Variants in RNASET2 observed in about 807,000 individuals in gnomAD.
The protein encoded by RNASET2 is ribonuclease T2, also known as ribonuclease 6.
Under a neutral mutation model 33.9 loss-of-function variants are expected in RNASET2, and 28 were observed. The ratio of observed to expected loss-of-function variants is 0.83; its 90% CI spans 0.61 to 1.13. RNASET2 has a LOEUF of 1.13. Ranked by LOEUF, RNASET2 falls within the 50% of genes most tolerant of loss-of-function variation. RNASET2 has a pLI of 0.00. For missense variants in RNASET2, 330 were observed against 319.9 expected (o/e 1.03, Z -0.24); for synonymous variants, 123 against 121.0 (o/e 1.02, Z -0.11).
intron 3 of RNASET2, among the ~76,000 whole-genome samples, chr6:166,947,275 C>A (rs2128646463): frequency 6.6e-6 from 1 of 152,324 alleles, no homozygotes; most frequent in Middle Eastern, 3.4e-3. Flanking sequence ...TTTTCAGTAG[C>A]AAACGCACTT....
chr6:166,927,628 T>C lies in RNASET2; in HGVS notation c.*1960A>G, dbSNP rs542817716. 2.4e-3 allele frequency among the ~76,000 whole-genome samples: 337 copies of C among 141,844 alleles called. 1 individual carries two copies. The highest frequency in any genetic ancestry group is 8.6e-3 in the African/African-American group (322 of 37,424). 93.1% of individuals were successfully genotyped at this position (141,844 alleles called of 152,430 possible). On this transcript the variant is annotated 3_prime_UTR_variant, in exon 9 of 9. Transcript: ENST00000508775. Reference sequence around the variant, plus strand: ...GGCTATAAAATAAATGCAATTTGAATAGGAAGTCTGTTCAAATTCACCAGC... The same window carrying C: ...GGCTATAAAATAAATGCAATTTGAACAGGAAGTCTGTTCAAATTCACCAGC...
chr6:166,929,423 T>G lies in RNASET2; in HGVS notation c.*165A>C. ...GCGTGGGAGAGCTCCTTTCTCCCCG[T>G]GTACGCCACATGCACTCACTCTACA... On this transcript the variant is annotated 3_prime_UTR_variant, in exon 9 of 9. Transcript: ENST00000508775. The G allele has an allele frequency of 1.3e-6, 1 of 747,832 alleles. No homozygotes were observed. Among genetic ancestry groups the G allele is most frequent in the East Asian group, 2.5e-5 (1 of 40,720 alleles). 46.3% of individuals were successfully genotyped at this position (747,832 alleles called of 1,614,324 possible). A position where few individuals can be genotyped will look rare whatever the true frequency, so the allele number is the denominator to read the frequency against.
intron 1 of RNASET2, among the ~76,000 whole-genome samples, chr6:166,955,325 A>C (rs201789956): frequency 1.5e-5 from 1 of 68,650 alleles, no homozygotes; most frequent in African/African-American, 8.0e-5. Context: ...ACGCACACAC[A>C]CGCACGCACG....
At chr6:166,942,482 ATCTT>A (rs1189727007) in intron 5 of RNASET2, among the ~76,000 whole-genome samples, 1 of 152,154 alleles carries the variant, frequency 6.6e-6, no homozygotes, top group Non-Finnish European at 1.5e-5. Context: ...GAAAATTTGT[ATCTT>A]TATTTTGTTT....
Position 166,931,070 on chromosome 6 carries a change from T to C in RNASET2, c.541A>G (p.Lys181Glu). 1 of 1,612,636 alleles carries C rather than the reference T, an allele frequency of 6.2e-7. No individual in the cohort carries two copies. The highest frequency in any genetic ancestry group is 8.5e-7 in the Non-Finnish European group (1 of 1,178,616). Residue 181 changes from lysine (K) to glutamate (E), a missense_variant, in exon 8 of 9, where the codon AAA becomes GAA. Transcript: ENST00000508775. ...TGGCTTGGTGGAAGGCACTGGATTT[T>C]GGGTATCACTCCATATACTCTGGCA... ...ALARVYGVIP[K>E]IQCLPPSQDE...
Position 166,940,493 on chromosome 6 carries a change from A to T in RNASET2, c.333-1485T>A, listed in dbSNP as rs569894997. 2.0e-4 allele frequency among the ~76,000 whole-genome samples: 30 copies of T among 152,306 alleles called. 1 individual carries two copies. The South Asian group carries it at 6.2e-3, about 32-fold the overall frequency. ...ATATCCTATAAGGTAGAAAAAGGAG[A>T]TTATTTTAAACTAATTGAAATGTAA... On this transcript the variant is annotated intron_variant, in intron 5 of 8. Transcript: ENST00000508775.
At chr6:166,954,703 T>C (rs1482636417) in intron 1 of RNASET2, among the ~76,000 whole-genome samples, 1 of 152,230 alleles carries the variant, frequency 6.6e-6, no homozygotes, top group Non-Finnish European at 1.5e-5. Context: ...TAAAAATATA[T>C]ACCTAAGGTG....
At chr6:166,949,199 CAAAAA>C (rs1169530046) in intron 2 of RNASET2, among the ~76,000 whole-genome samples, 127 of 52,326 alleles carry the variant, frequency 2.4e-3, no homozygotes, top group African/African-American at 0.01. Flanking sequence ...ACCGTGTCTC[CAAAAA>C]AAAAAAAAAA....
At chr6:166,955,231 GCA>G (rs1253223693) in intron 1 of RNASET2, among the ~76,000 whole-genome samples, 16 of 58,186 alleles carry the variant, frequency 2.7e-4, no homozygotes, top group South Asian at 1.3e-3. Context: ...GCGCACACAC[GCA>G]CGCACGCACA....
chr6:166,946,699 TG>T lies in RNASET2; in HGVS notation c.243del (p.Phe81LeufsTer3). 6.4e-7 allele frequency: 1 copy of T among 1,560,282 alleles called. No individual in the cohort carries two copies. The highest frequency in any genetic ancestry group is 8.8e-7 in the Non-Finnish European group (1 of 1,141,342). Reference protein sequence around the residue: ...KSEGCNRSWPFNLEEIKDLLP... With the variant: ...KSEGCNRSWPXNLEEIKDLLP... Reference sequence around the variant, plus strand: ...GTCAATACCTTAATCTCTTCTAAATTGAAGGGCCACGATCTATTACATCCTT... The same window carrying T: ...GTCAATACCTTAATCTCTTCTAAATTAAGGGCCACGATCTATTACATCCTT... On this transcript the variant is annotated frameshift_variant, in exon 4 of 9. Transcript: ENST00000508775. LOFTEE classifies it high-confidence loss of function.
In RNASET2 at chr6:166,925,231, G is replaced by A. The variant is rs573649621; in HGVS notation, c.*4357C>T. On this transcript the variant is annotated 3_prime_UTR_variant, in exon 9 of 9. Transcript: ENST00000508775. ...CTGCTGTCCAGGCATCACCCTTGCTGTCCAGCCGACACCTACGATGCGCAG... is the reference window on the plus strand; with the variant it reads ...CTGCTGTCCAGGCATCACCCTTGCTATCCAGCCGACACCTACGATGCGCAG... Among the ~76,000 whole-genome samples the A allele has an allele frequency of 2.0e-5, 3 of 149,906 alleles. No homozygotes were observed. In the South Asian group the frequency reaches 6.4e-4, roughly 32 times the overall value.
intron 4 of RNASET2, 30 bp from the exon 5 acceptor site, chr6:166,943,119 G>A (rs779006295): frequency 1.4e-5 from 21 of 1,545,132 alleles, no homozygotes; most frequent in African/African-American, 4.1e-5. Flanking sequence ...ATAAGTCTAC[G>A]CAGGTTCTTA....
rs1425856849 is a variant in RNASET2 at position 166,926,956 on chromosome 6, C to T, written c.*2632G>A. ...CCTGAGATGCGCCTGCTCCTTTGTC[C>T]CCCTGGGAGACACTTGTACCCCCAG... On this transcript the variant is annotated 3_prime_UTR_variant, in exon 9 of 9. Coordinates refer to ENST00000508775, the MANE Select transcript of RNASET2 (RefSeq NM_003730.6). 6.6e-6 allele frequency among the ~76,000 whole-genome samples: 1 copy of T among 152,160 alleles called. No individual in the cohort carries two copies. Among genetic ancestry groups the T allele is most frequent in the African/African-American group, 2.4e-5 (1 of 41,434 alleles).
rs1491436422 is a variant in RNASET2 at position 166,923,229 on chromosome 6, T to TTTTTTTTATTTTTTTTA, written c.*6358_*6359insTAAAAAAAATAAAAAAA. 1.1e-5 allele frequency among the ~76,000 whole-genome samples: 1 copy of TTTTTTTTATTTTTTTTA among 92,240 alleles called. No homozygotes were observed. The highest frequency in any genetic ancestry group is 2.2e-5 in the Non-Finnish European group (1 of 44,952). The allele number at this position is 92,240 out of a possible 152,430, so 60.5% of individuals were successfully genotyped here. A position where few individuals can be genotyped will look rare whatever the true frequency, so the allele number is the denominator to read the frequency against. Reference sequence around the variant, plus strand: ...CAGGCGTGAGCCACCAGGCCCGGCCTTTTTTTTTTTTTTTTTTTTTGAGAC... The same window carrying TTTTTTTTATTTTTTTTA: ...CAGGCGTGAGCCACCAGGCCCGGCCTTTTTTTTATTTTTTTTATTTTTTTTTTTTTTTTTTTTGAGAC... On this transcript the variant is annotated 3_prime_UTR_variant, in exon 9 of 9. Coordinates refer to ENST00000508775, the MANE Select transcript of RNASET2 (RefSeq NM_003730.6).
At chr6:166,936,863 A>G (rs1778582441) in intron 6 of RNASET2, among the ~76,000 whole-genome samples, 1 of 152,198 alleles carries the variant, frequency 6.6e-6, no homozygotes, top group Admixed American at 6.5e-5. Context: ...GAGATGAATT[A>G]TTTAGATGAT....
chr6:166,944,885 G>C (rs567907006), intron 4 of RNASET2, among the ~76,000 whole-genome samples: 3 of 148,910 alleles, frequency 2.0e-5, no homozygotes, highest in Admixed American at 2.0e-4. Context: ...ACCTGTCAGC[G>C]CTGTCCCCTT....
At chr6:166,937,204 T>C (rs1378684523) in intron 6 of RNASET2, among the ~76,000 whole-genome samples, 1 of 152,198 alleles carries the variant, frequency 6.6e-6, no homozygotes, top group African/African-American at 2.4e-5. Context: ...TGGCACGATC[T>C]CAGCTCACTG....
At position 166,938,646 on chromosome 6, in the gene RNASET2, G is replaced by A. The variant is rs1347662001; in HGVS notation, c.446+249C>T. 10 of 735,766 alleles carry A rather than the reference G, an allele frequency of 1.4e-5. No individual in the cohort carries two copies. In the East Asian group the frequency reaches 2.7e-4, roughly 20 times the overall value. 45.6% of individuals were successfully genotyped at this position (735,766 alleles called of 1,614,324 possible). On this transcript the variant is annotated intron_variant, in intron 6 of 8. Transcript: ENST00000508775. ...TTTCCCTATGGCCGACTCTGATGAT[G>A]AGATGGTGCCCAGATGGGCATCCCA...
Position 166,936,724 on chromosome 6 carries a change from C to T in RNASET2, c.446+2171G>A, listed in dbSNP as rs939113588. Among the ~76,000 whole-genome samples the T allele has an allele frequency of 2.0e-5, 3 of 152,250 alleles. No individual in the cohort carries two copies. In the South Asian group the frequency reaches 6.2e-4, roughly 31 times the overall value. ...GCAGCTCAAACACCTCCCACCTCCA[C>T]ACTGGTGATCAAATTTCAACATGAG... On this transcript the variant is annotated intron_variant, in intron 6 of 8. Transcript: ENST00000508775.
Sources: gnomAD v4.1 joint callset for allele counts (sites outside exome capture counted in the v4.1 genomes callset) on GRCh38, gnomAD v4.1.1 for gene constraint, MANE v1.5 for transcripts, NCBI Gene and HGNC (gene_info 2026-07-23, HGNC 2026-07-21) for gene names.